AFF2: variants seen among roughly 807,000 people sequenced by gnomAD.
AFF2 encodes the protein AF4/FMR2 family member 2.
Under a neutral mutation model 76.9 loss-of-function variants are expected in AFF2, and 14 were observed. That is an observed-to-expected ratio of 0.18 (90% confidence interval 0.12 to 0.28). The LOEUF is 0.28. Ranked by LOEUF, AFF2 falls within the 10% of genes least tolerant of loss-of-function variation. The pLI, the probability that AFF2 is intolerant of heterozygous loss-of-function variation, is 1.00. For missense variants in AFF2, 868 were observed against 1,001.1 expected (o/e 0.87, Z 1.79); for synonymous variants, 398 against 366.7 (o/e 1.09, Z -0.98).
intron 9 of AFF2, among the ~76,000 whole-genome samples, chrX:148,938,846 G>A (rs1402133658): frequency 4.5e-5 from 5 of 111,542 alleles, no homozygotes; most frequent in African/African-American, 6.5e-5. Context: ...TGTTATTTTT[G>A]TAGCTTCATC....
intron 3 of AFF2, among the ~76,000 whole-genome samples, chrX:148,715,301 A>G (rs1325820925): frequency 2.7e-5 from 3 of 111,773 alleles, no homozygotes; most frequent in African/African-American, 6.5e-5. Context: ...AGCACCTTTA[A>G]TGTCACTAGA....
At chrX:148,543,583 C>A (rs1033192259) in intron 1 of AFF2, among the ~76,000 whole-genome samples, 2 of 111,833 alleles carry the variant, frequency 1.8e-5, no homozygotes, top group Middle Eastern at 4.3e-3. Context: ...TCAAAGCCTT[C>A]CGCATGACAG....
chrX:148,765,281 C>T lies in AFF2; in HGVS notation c.1042-44595C>T, dbSNP rs558768021. Reference sequence around the variant, plus strand: ...TTCTCCAAGGTGAAGCTTCCAGTCTCTTCAGTAGTAGTAGTGGGTTTGGCT... The same window carrying T: ...TTCTCCAAGGTGAAGCTTCCAGTCTTTTCAGTAGTAGTAGTGGGTTTGGCT... On this transcript the variant is annotated intron_variant, in intron 3 of 20. Coordinates refer to ENST00000370460, the MANE Select transcript of AFF2 (RefSeq NM_002025.4). Among the ~76,000 whole-genome samples, 19 of 111,685 alleles carry T rather than the reference C, an allele frequency of 1.7e-4. No individual in the cohort carries two copies. In the South Asian group the frequency reaches 7.2e-3, roughly 42 times the overall value.
intron 8 of AFF2, among the ~76,000 whole-genome samples, chrX:148,902,759 A>C (rs782725373): frequency 8.9e-6 from 1 of 111,934 alleles, no homozygotes; most frequent in East Asian, 2.8e-4. Flanking sequence ...CTCATTCCTT[A>C]GCTTTTTTCC....
At position 148,596,240 on chromosome X, in the gene AFF2, C is replaced by T. The variant is rs2053570145; in HGVS notation, c.48-55759C>T. ...TAGTTACAAAAGAAAGAAAGAAGTC[C>T]AACAGTAAAGAAGCAAAGCCTCCAT... On this transcript the variant is annotated intron_variant, in intron 1 of 20. Transcript: ENST00000370460. Among the ~76,000 whole-genome samples the T allele has an allele frequency of 2.7e-5, 3 of 111,519 alleles. No homozygotes were observed. In the South Asian group the frequency reaches 1.1e-3, roughly 42 times the overall value.
chrX:148,775,856 C>A (rs1288219468), intron 3 of AFF2, among the ~76,000 whole-genome samples: 1 of 59,581 alleles, frequency 1.7e-5, no homozygotes, highest in Non-Finnish European at 3.9e-5. Context: ...CTCTCAAGAT[C>A]CTTAACTTTT....
intron 9 of AFF2, among the ~76,000 whole-genome samples, chrX:148,939,897 CAT>C (rs2071814092): frequency 8.9e-6 from 1 of 112,196 alleles, no homozygotes; most frequent in African/African-American, 3.2e-5. Context: ...CATGCACACA[CAT>C]ATTATCTCTT....
At chrX:148,585,293 A>G (rs1197167040) in intron 1 of AFF2, among the ~76,000 whole-genome samples, 1 of 111,815 alleles carries the variant, frequency 8.9e-6, no homozygotes, top group Non-Finnish European at 1.9e-5. Flanking sequence ...GACTCCCTGG[A>G]TTTCACTATG....
chrX:148,824,140 C>A (rs1351666884), intron 4 of AFF2, among the ~76,000 whole-genome samples: 2 of 108,971 alleles, frequency 1.8e-5, no homozygotes, highest in African/African-American at 6.8e-5. Flanking sequence ...CTTTAGACAT[C>A]CACCTAAGGT....
At chrX:148,899,190 G>T (rs1473504776) in intron 8 of AFF2, among the ~76,000 whole-genome samples, 1 of 111,915 alleles carries the variant, frequency 8.9e-6, no homozygotes, top group Non-Finnish European at 1.9e-5. Flanking sequence ...GCCAGCTGGG[G>T]TTTAGCCTAC....
intron 7 of AFF2, among the ~76,000 whole-genome samples, chrX:148,866,368 G>A (rs1383362119): frequency 2.7e-5 from 3 of 112,457 alleles, no homozygotes; most frequent in African/African-American, 9.7e-5. Context: ...AAGAAAAAAA[G>A]AAAGAAGCTG....
chrX:148,752,695 C>A (rs2055516217), intron 3 of AFF2, among the ~76,000 whole-genome samples: 1 of 111,635 alleles, frequency 9.0e-6, no homozygotes, highest in Non-Finnish European at 1.9e-5. Context: ...GAAACCATCT[C>A]CTCAATGAAG....
chrX:148,600,283 G>T (rs1381316342), intron 1 of AFF2, among the ~76,000 whole-genome samples: 1 of 111,255 alleles, frequency 9.0e-6, no homozygotes, highest in Non-Finnish European at 1.9e-5. Context: ...TTGCTCATTG[G>T]CCCAAACAAG....
At chrX:148,729,535 TG>T (rs1460190436) in intron 3 of AFF2, among the ~76,000 whole-genome samples, 1 of 111,413 alleles carries the variant, frequency 9.0e-6, no homozygotes, top group Admixed American at 9.5e-5. Context: ...TGCTCTCTGT[TG>T]AGTCTAGGCC....
At chrX:148,917,154 C>A (rs1557282701) in intron 9 of AFF2, among the ~76,000 whole-genome samples, 1 of 111,827 alleles carries the variant, frequency 8.9e-6, no homozygotes, top group Non-Finnish European at 1.9e-5. Flanking sequence ...TCTGAGCCAT[C>A]ATAAAGCTAG....
In AFF2 at chrX:148,962,879, C is replaced by T; in HGVS notation, c.2855C>T (p.Thr952Ile). ...GCCATGACTGGACAAATCACATCTACCAAACCTAAGAGAACTGAAGGCAAA... is the reference window on the plus strand; with the variant it reads ...GCCATGACTGGACAAATCACATCTATCAAACCTAAGAGAACTGAAGGCAAA... ...NIAMTGQITSTKPKRTEGKFC... is the reference protein window; with the variant it reads ...NIAMTGQITSIKPKRTEGKFC... The change falls in exon 13 of 21, where the codon ACC becomes ATC. Residue 952 changes from threonine to isoleucine, a missense_variant. Thr to Ile is a moderately conservative substitution (Grantham distance 89, BLOSUM62 -1). Around this residue, in one of 6 missense-constraint regions of AFF2, gnomAD observed 532 missense variants for 564.2 expected, o/e 0.94. Transcript: ENST00000370460. 1 of 1,210,294 alleles carries T rather than the reference C, an allele frequency of 8.3e-7. No homozygotes were observed. The highest frequency in any genetic ancestry group is 1.1e-6 in the Non-Finnish European group (1 of 894,153).
intron 1 of AFF2, among the ~76,000 whole-genome samples, chrX:148,581,006 C>T (rs2053351380): frequency 1.3e-5 from 1 of 76,018 alleles, no homozygotes; most frequent in African/African-American, 5.2e-5. Flanking sequence ...ATATATGCAC[C>T]TCCTACACAC....
intron 4 of AFF2, 54 bp from the exon 5 acceptor site, chrX:148,837,593 G>A: frequency 1.4e-6 from 1 of 733,825 alleles, no homozygotes; most frequent in Non-Finnish European, 2.1e-6. Flanking sequence ...TGCTAAGAAA[G>A]GGCTTGATTT....
chrX:148,886,081 G>C lies in AFF2; in HGVS notation c.1359+96G>C. 6.1e-6 allele frequency: 4 copies of C among 654,511 alleles called. No homozygotes were observed. The South Asian group carries it at 9.3e-5, about 15-fold the overall frequency. The allele number at this position is 654,511 out of a possible 1,213,427, so 53.9% of individuals were successfully genotyped here. On this transcript the variant is annotated intron_variant, in intron 8 of 20. Coordinates refer to ENST00000370460, the MANE Select transcript of AFF2 (RefSeq NM_002025.4). ...CTTTGACATGCGCAAACTTCCCCAT[G>C]CTTTATCTCTGGGCTTTGGAGAGAG...
Sources: allele counts gnomAD v4.1 joint callset (sites outside exome capture counted in the v4.1 genomes callset), GRCh38; gene constraint gnomAD v4.1.1; regional missense constraint gnomAD v4.1.1; transcripts MANE v1.5; gene names NCBI Gene and HGNC (gene_info 2026-07-23, HGNC 2026-07-21).